Variants in BRI3 observed in about 807,000 individuals in gnomAD.
BRI3 encodes membrane protein BRI3.
A neutral mutation model predicts 12.8 loss-of-function variants in BRI3; 6 were observed. The ratio of observed to expected loss-of-function variants is 0.47; its 90% CI spans 0.26 to 0.93. BRI3 has a LOEUF of 0.93. BRI3 is among the 40% of genes least tolerant of loss of function. The probability of loss-of-function intolerance (pLI) is 0.15; values close to 1 mark genes in which losing one functional copy is unlikely to be tolerated. For missense variants in BRI3, 134 were observed against 171.1 expected (o/e 0.78, Z 1.21); for synonymous variants, 91 against 76.1 (o/e 1.20, Z -1.02).
chr7:98,319,382 G>A, the BRI3 span, among the ~76,000 whole-genome samples: 6 of 152,182 alleles, frequency 3.9e-5, no homozygotes, highest in African/African-American at 1.4e-4. Flanking sequence ...CCCGGACGGT[G>A]CTCTCCCGCA....
chr7:98,303,834 C>A (rs1449912517), upstream of BRI3, among the ~76,000 whole-genome samples: 1 of 152,208 alleles, frequency 6.6e-6, no homozygotes, highest in Non-Finnish European at 1.5e-5. Context: ...TAATGTAAGC[C>A]TCTCTTCAGA....
chr7:98,297,963 G>C (rs1317059657), downstream of BRI3, among the ~76,000 whole-genome samples: 1 of 152,264 alleles, frequency 6.6e-6, no homozygotes, highest in Admixed American at 6.5e-5. Context: ...GGGCACAGTG[G>C]CTCACGCCTG....
chr7:98,304,521 C>G, upstream of BRI3: 2 of 834,026 alleles, frequency 2.4e-6, no homozygotes, highest in African/African-American at 1.7e-5. Context: ...CAGACACACA[C>G]AGTACATATA....
upstream of BRI3, among the ~76,000 whole-genome samples, chr7:98,305,222 G>A (rs888369859): frequency 6.6e-6 from 1 of 151,222 alleles, no homozygotes; most frequent in African/African-American, 2.4e-5. Flanking sequence ...GACAAAAGGA[G>A]AGGAAACCTT....
At chr7:98,315,421 G>GAAA, downstream of BRI3, 1 of 1,358,234 alleles carries the variant, frequency 7.4e-7, no homozygotes, top group Non-Finnish European at 9.6e-7. Context: ...ATGAAATAAA[G>GAAA]TTATTAATAC....
chr7:98,291,834 A>G (rs1197946516), downstream of BRI3: 1 of 152,894 alleles, frequency 6.5e-6, no homozygotes, highest in Non-Finnish European at 1.5e-5. Context: ...CCCCGTAACA[A>G]AACCAGAAAC....
the BRI3 span, among the ~76,000 whole-genome samples, chr7:98,321,201 C>A: frequency 1.1e-4 from 17 of 152,106 alleles, no homozygotes; most frequent in Admixed American, 1.0e-3. Flanking sequence ...AAGCCAAGTT[C>A]TATATATCTG....
upstream of BRI3, among the ~76,000 whole-genome samples, chr7:98,305,022 C>G (rs1038715344): frequency 6.7e-6 from 1 of 149,484 alleles, no homozygotes; most frequent in Non-Finnish European, 1.5e-5. Flanking sequence ...CCTGCCACCA[C>G]GCCCAGCTAA....
At chr7:98,302,048 C>G (rs1167751808), upstream of BRI3, among the ~76,000 whole-genome samples, 1 of 152,126 alleles carries the variant, frequency 6.6e-6, no homozygotes, top group East Asian at 1.9e-4. Flanking sequence ...GGCAGTCTCC[C>G]GACACTGACA....
the BRI3 span, among the ~76,000 whole-genome samples, chr7:98,319,588 C>A: frequency 6.6e-6 from 1 of 151,036 alleles, no homozygotes; most frequent in South Asian, 2.1e-4. Flanking sequence ...GCTCTGTCGC[C>A]CAGGCTGGAG....
At chr7:98,317,813 C>T in the BRI3 span, among the ~76,000 whole-genome samples, 7 of 150,838 alleles carry the variant, frequency 4.6e-5, no homozygotes, top group Admixed American at 6.6e-5. Flanking sequence ...ACCATCTTTA[C>T]GCTGGCTGGG....
At chr7:98,310,547 G>T, downstream of BRI3, 2 of 1,593,094 alleles carry the variant, frequency 1.3e-6, no homozygotes, top group Non-Finnish European at 1.7e-6. Flanking sequence ...GGAGCGGGGG[G>T]CATCTTTGGT....
downstream of BRI3, chr7:98,310,654 C>T (rs924028365): frequency 3.8e-6 from 5 of 1,317,966 alleles, no homozygotes; most frequent in African/African-American, 4.6e-5. Context: ...TACACAGATT[C>T]CCAAGGCTGT....
At chr7:98,320,119 A>C in the BRI3 span, 3 of 1,612,380 alleles carry the variant, frequency 1.9e-6, no homozygotes, top group Non-Finnish European at 2.5e-6. Flanking sequence ...CTCTTTGTGG[A>C]ATTTTTTAAA....
At position 98,307,646 on chromosome 7, in the gene BRI3, G is replaced by A. The variant is rs115134774; in HGVS notation, n.276G>A. On this transcript the variant is annotated non_coding_transcript_exon_variant, in exon 2 of 2. Coordinates refer to the BRI3 transcript ENST00000485422. ...GCAGCTTGGCTGCTCTGGAAGGGAG[G>A]GGCCGTCTGGTGCCCTGCGGGGACC... 3.0e-3 allele frequency: 4,753 copies of A among 1,607,026 alleles called. 127 individuals carry two copies. In the African/African-American group the frequency reaches 0.057, roughly 19 times the overall value.
At chr7:98,292,795 C>T (rs1044769192), downstream of BRI3, 23 of 1,539,384 alleles carry the variant, frequency 1.5e-5, no homozygotes, top group East Asian at 2.5e-4. Context: ...GTGACTCCGA[C>T]GCCCAGGCCT....
At chr7:98,306,316 G>T, upstream of BRI3, 2 of 1,177,584 alleles carry the variant, frequency 1.7e-6, no homozygotes, top group South Asian at 1.3e-5. Flanking sequence ...TCTCATCTCT[G>T]ACTAGTCCAC....
chr7:98,289,876 G>A (rs934345719), intron 2 of BRI3, among the ~76,000 whole-genome samples: 23 of 152,328 alleles, frequency 1.5e-4, no homozygotes, highest in Non-Finnish European at 2.4e-4. Flanking sequence ...ATGATTTCAG[G>A]TCACTGAACC....
intron 2 of BRI3, among the ~76,000 whole-genome samples, chr7:98,285,462 G>A (rs1217361764): frequency 1.3e-5 from 2 of 152,218 alleles, no homozygotes; most frequent in Non-Finnish European, 2.9e-5. Context: ...CTGCCCATAT[G>A]TATGGCCTGT....
Sources: allele counts gnomAD v4.1 joint callset (sites outside exome capture counted in the v4.1 genomes callset), GRCh38; gene constraint gnomAD v4.1.1; transcripts MANE v1.5; gene names NCBI Gene and HGNC (gene_info 2026-07-23, HGNC 2026-07-21).